Variants in ZSCAN25 observed in about 807,000 individuals in gnomAD.
The protein encoded by ZSCAN25 is zinc finger and SCAN domain containing 25.
In ZSCAN25, 27 loss-of-function variants were observed where a neutral mutation model predicts 38.7. That is an observed-to-expected ratio of 0.70 (90% CI 0.51 to 0.96). The LOEUF is 0.96. Among genes scored for constraint, ZSCAN25 ranks in the 40% least tolerant of loss-of-function variants. ZSCAN25 has a pLI of 0.00. For missense variants in ZSCAN25, 637 were observed against 705.9 expected (o/e 0.90, Z 1.11); for synonymous variants, 273 against 277.7 (o/e 0.98, Z 0.17).
chr7:99,699,474 C>T, the ZSCAN25 span, among the ~76,000 whole-genome samples: 1 of 152,064 alleles, frequency 6.6e-6, no homozygotes, highest in Non-Finnish European at 1.5e-5. Flanking sequence ...GTTAGGGGAG[C>T]AGGAACCACC....
the ZSCAN25 span, among the ~76,000 whole-genome samples, chr7:99,718,477 T>C: frequency 6.6e-6 from 1 of 152,196 alleles, no homozygotes; most frequent in African/African-American, 2.4e-5. Context: ...TGTTTTATAA[T>C]GAGTACTTAC....
chr7:99,718,135 G>T, the ZSCAN25 span, among the ~76,000 whole-genome samples: 7 of 152,048 alleles, frequency 4.6e-5, no homozygotes, highest in African/African-American at 9.7e-5. Context: ...GGTGGGGAGA[G>T]GGGGGAAGGA....
intron 7 of ZSCAN25, among the ~76,000 whole-genome samples, chr7:99,627,681 GTATA>G (rs1301310359): frequency 1.3e-5 from 2 of 150,316 alleles, no homozygotes; most frequent in African/African-American, 4.9e-5. Context: ...CGTATATCAT[GTATA>G]TGCTGTATAC....
chr7:99,725,622 C>T, the ZSCAN25 span, among the ~76,000 whole-genome samples: 2 of 152,224 alleles, frequency 1.3e-5, no homozygotes, highest in African/African-American at 4.8e-5. Flanking sequence ...TGTGTGGGCT[C>T]CAATTAGAGG....
At chr7:99,641,308 G>A in the ZSCAN25 span, among the ~76,000 whole-genome samples, 1 of 152,144 alleles carries the variant, frequency 6.6e-6, no homozygotes, top group Non-Finnish European at 1.5e-5. Flanking sequence ...AGGGGGATAA[G>A]CCCCTTACAA....
the ZSCAN25 span, among the ~76,000 whole-genome samples, chr7:99,737,372 T>C: frequency 2.0e-5 from 3 of 152,188 alleles, no homozygotes; most frequent in South Asian, 2.1e-4. Context: ...TTCGTGTTCC[T>C]GTCTCAAGGG....
the ZSCAN25 span, chr7:99,715,801 C>A: frequency 1.9e-6 from 3 of 1,613,854 alleles, no homozygotes; most frequent in Admixed American, 1.7e-5. Flanking sequence ...ATCTTAAAAG[C>A]TTCTTGGTGT....
At chr7:99,652,766 T>G in the ZSCAN25 span, 1 of 1,612,846 alleles carries the variant, frequency 6.2e-7, no homozygotes, top group Non-Finnish European at 8.5e-7. Context: ...CACGGCATCA[T>G]AGGTAGGTGG....
At chr7:99,639,541 C>A in the ZSCAN25 span, among the ~76,000 whole-genome samples, 1 of 152,218 alleles carries the variant, frequency 6.6e-6, no homozygotes, top group African/African-American at 2.4e-5. Flanking sequence ...TCACAAAGAG[C>A]CTCTGCTTGG....
chr7:99,708,471 TTC>T, the ZSCAN25 span, among the ~76,000 whole-genome samples: 173 of 152,020 alleles, frequency 1.1e-3, no homozygotes, highest in African/African-American at 3.8e-3. Flanking sequence ...TTACCCCTCC[TTC>T]TCTCCTCCTT....
the ZSCAN25 span, chr7:99,717,188 G>C: frequency 6.2e-7 from 1 of 1,613,888 alleles, no homozygotes. Context: ...GTTTCAAGGT[G>C]ACAGGCTTGC....
chr7:99,713,439 C>A, the ZSCAN25 span: 38 of 1,612,638 alleles, frequency 2.4e-5, no homozygotes, highest in South Asian at 4.1e-4. Context: ...AGTGCCCCAC[C>A]AGTAGCCCTC....
the ZSCAN25 span, chr7:99,638,694 G>T: frequency 6.8e-7 from 1 of 1,476,046 alleles, no homozygotes; most frequent in Non-Finnish European, 9.5e-7. Flanking sequence ...TTGTCTTGCC[G>T]GCCGCATCCA....
the ZSCAN25 span, chr7:99,638,890 C>A: frequency 1.8e-6 from 1 of 563,476 alleles, no homozygotes; most frequent in Non-Finnish European, 3.2e-6. Context: ...GGAGTTGTCT[C>A]CTAAGGGCAG....
At chr7:99,692,373 T>C in the ZSCAN25 span, among the ~76,000 whole-genome samples, 1 of 152,170 alleles carries the variant, frequency 6.6e-6, no homozygotes, top group African/African-American at 2.4e-5. Context: ...ATTATGTGTC[T>C]TGGGGTTGCT....
At chr7:99,692,246 G>T in the ZSCAN25 span, among the ~76,000 whole-genome samples, 1 of 152,168 alleles carries the variant, frequency 6.6e-6, no homozygotes, top group Non-Finnish European at 1.5e-5. Context: ...GTTTTGTAGG[G>T]TTTCTGCTGA....
the ZSCAN25 span, chr7:99,705,669 A>G: frequency 6.4e-7 from 1 of 1,560,598 alleles, no homozygotes; most frequent in South Asian, 1.1e-5. Flanking sequence ...CAAAGTAAAA[A>G]AAAATTACTG....
At chr7:99,628,111 G>A (rs1408644807) in intron 7 of ZSCAN25, among the ~76,000 whole-genome samples, 1 of 152,028 alleles carries the variant, frequency 6.6e-6, no homozygotes, top group Non-Finnish European at 1.5e-5. Flanking sequence ...AAAGGGTAAC[G>A]TGACATTTTT....
At chr7:99,649,996 A>G in the ZSCAN25 span, 2 of 1,514,880 alleles carry the variant, frequency 1.3e-6, no homozygotes, top group African/African-American at 1.4e-5. Context: ...TAAAAGATAA[A>G]CATGCATATT....
Sources: gnomAD v4.1 joint callset for allele counts (sites outside exome capture counted in the v4.1 genomes callset) on GRCh38, gnomAD v4.1.1 for gene constraint, MANE v1.5 for transcripts, NCBI Gene and HGNC (gene_info 2026-07-23, HGNC 2026-07-21) for gene names.